The following CYP19A1 variants were observed in gnomAD, a reference collection of about 807,000 sequenced individuals.
CYP19A1 encodes aromatase.
Under a neutral mutation model 44.4 loss-of-function variants are expected in CYP19A1, and 32 were observed. That is an observed-to-expected ratio of 0.72 (90% confidence interval 0.54 to 0.97). The LOEUF (loss-of-function observed/expected upper bound fraction) is 0.97. CYP19A1 is among the 50% of genes least tolerant of loss of function. The pLI is 0.00. For missense variants in CYP19A1, 598 were observed against 637.8 expected, an observed-to-expected ratio of 0.94 and a Z score of 0.67; for synonymous variants, 212 against 215.6, an observed-to-expected ratio of 0.98 and a Z score of 0.14.
Position 51,317,199 on chromosome 15 carries a change from T to TCA in CYP19A1, c.-39+21294_-39+21295dup, listed in dbSNP as rs536268141. Among the ~76,000 whole-genome samples, 367 of 152,216 alleles carry TCA rather than the reference T, an allele frequency of 2.4e-3. 3 individuals carry two copies. The highest frequency in any genetic ancestry group is 8.2e-3 in the African/African-American group (341 of 41,540). On this transcript the variant is annotated intron_variant, in intron 1 of 9. Transcript: ENST00000396402. ...TCACTGCAAGCTCTGCCTCCCAGGT[T>TCA]CACGCCATTCTCCTGTCTCAGCCTC...
intron 1 of CYP19A1, among the ~76,000 whole-genome samples, chr15:51,305,746 A>G (rs1455267572): frequency 1.3e-5 from 2 of 152,072 alleles, no homozygotes; most frequent in African/African-American, 2.4e-5. Flanking sequence ...TTTTTAGTAG[A>G]AACGGGGTTT....
At chr15:51,277,408 A>G (rs2035351651) in intron 1 of CYP19A1, 1 of 152,218 alleles carries the variant, frequency 6.6e-6, no homozygotes, top group Non-Finnish European at 1.5e-5. Context: ...CAAACAAGGT[A>G]CAGATGCCTG....
At chr15:51,243,186 G>T (rs991172997) in intron 1 of CYP19A1, 1 of 430,638 alleles carries the variant, frequency 2.3e-6, no homozygotes, top group East Asian at 4.8e-5. Flanking sequence ...TCCTTTAGAC[G>T]CTTGGTCTGA....
At chr15:51,230,465 A>G (rs913859155) in intron 3 of CYP19A1, among the ~76,000 whole-genome samples, 5 of 152,218 alleles carry the variant, frequency 3.3e-5, no homozygotes, top group African/African-American at 1.2e-4. Flanking sequence ...AAGATGGCAA[A>G]CCTATTGTCT....
intron 1 of CYP19A1, chr15:51,293,899 G>C: frequency 4.7e-6 from 1 of 212,154 alleles, no homozygotes; most frequent in Non-Finnish European, 9.3e-6. Context: ...CGTAATCTCG[G>C]CTGGCTACAA....
chr15:51,303,553 GT>G (rs57036890), intron 1 of CYP19A1, among the ~76,000 whole-genome samples: 3,589 of 145,482 alleles, frequency 0.025, 125 homozygotes, highest in East Asian at 0.15. Flanking sequence ...ATGTAGGTGG[GT>G]TTTTTTTTTT....
chr15:51,263,974 T>C (rs933081411), intron 1 of CYP19A1, among the ~76,000 whole-genome samples: 2 of 152,170 alleles, frequency 1.3e-5, no homozygotes, highest in Admixed American at 1.3e-4. Context: ...TGAGTAAATC[T>C]GGGAACAACT....
chr15:51,236,251 T>C (rs1225791167), intron 3 of CYP19A1, among the ~76,000 whole-genome samples: 2 of 152,186 alleles, frequency 1.3e-5, no homozygotes, highest in African/African-American at 4.8e-5. Flanking sequence ...TTATTTTCCT[T>C]TTTCTTTACT....
chr15:51,304,876 A>G (rs2036182294), intron 1 of CYP19A1, among the ~76,000 whole-genome samples: 1 of 143,114 alleles, frequency 7.0e-6, no homozygotes, highest in African/African-American at 2.8e-5. Context: ...TCCCTCAGGT[A>G]ATTGTGTCTC....
chr15:51,294,987 T>C (rs1216069585), intron 1 of CYP19A1, among the ~76,000 whole-genome samples: 3 of 142,832 alleles, frequency 2.1e-5, no homozygotes, highest in Non-Finnish European at 4.5e-5. Flanking sequence ...AGAAAAATTC[T>C]TCTGCCTTGG....
intron 1 of CYP19A1, among the ~76,000 whole-genome samples, chr15:51,293,253 C>A (rs551404443): frequency 2.6e-5 from 4 of 152,160 alleles, no homozygotes; most frequent in East Asian, 3.9e-4. Flanking sequence ...TCCCCAAAAA[C>A]CTATTAAAAT....
chr15:51,305,608 T>C (rs2036201004), intron 1 of CYP19A1, among the ~76,000 whole-genome samples: 1 of 152,168 alleles, frequency 6.6e-6, no homozygotes, highest in South Asian at 2.1e-4. Flanking sequence ...TCGCCCAGGA[T>C]GGAGTGCAAT....
intron 1 of CYP19A1, among the ~76,000 whole-genome samples, chr15:51,283,423 A>C (rs1442769843): frequency 6.6e-6 from 1 of 152,210 alleles, no homozygotes; most frequent in Admixed American, 6.5e-5. Flanking sequence ...GAGACCTTGA[A>C]GTATGGCAAT....
intron 1 of CYP19A1, among the ~76,000 whole-genome samples, chr15:51,292,112 G>C (rs2035860606): frequency 6.6e-6 from 1 of 152,166 alleles, no homozygotes; most frequent in African/African-American, 2.4e-5. Context: ...AAAGAAAGAG[G>C]AGAGACCCAA....
chr15:51,258,483 T>G (rs1457542797), intron 1 of CYP19A1, among the ~76,000 whole-genome samples: 1 of 152,240 alleles, frequency 6.6e-6, no homozygotes, highest in Non-Finnish European at 1.5e-5. Context: ...TTGACTCTCC[T>G]ATAAACTATC....
chr15:51,261,747 G>A (rs550161325), intron 1 of CYP19A1, among the ~76,000 whole-genome samples: 1 of 152,288 alleles, frequency 6.6e-6, no homozygotes, highest in African/African-American at 2.4e-5. Flanking sequence ...AGGTCATGGT[G>A]GAGGAATAGA....
At chr15:51,332,973 G>T (rs2036724441) in intron 1 of CYP19A1, among the ~76,000 whole-genome samples, 1 of 152,098 alleles carries the variant, frequency 6.6e-6, no homozygotes, top group East Asian at 1.9e-4. Context: ...CTTCCAATAG[G>T]CAGACTCAGG....
At chr15:51,327,432 C>G (rs913740049) in intron 1 of CYP19A1, among the ~76,000 whole-genome samples, 1 of 152,124 alleles carries the variant, frequency 6.6e-6, no homozygotes, top group Non-Finnish European at 1.5e-5. Context: ...TTCTCACCCC[C>G]CAAATCATGC....
At chr15:51,274,747 C>T (rs144188708) in intron 1 of CYP19A1, among the ~76,000 whole-genome samples, 9 of 152,240 alleles carry the variant, frequency 5.9e-5, no homozygotes, top group African/African-American at 2.2e-4. Flanking sequence ...CCTCCCTGGC[C>T]CTCGCTCCTG....
Sources: gnomAD v4.1 joint callset for allele counts (sites outside exome capture counted in the v4.1 genomes callset) on GRCh38, gnomAD v4.1.1 for gene constraint, MANE v1.5 for transcripts, NCBI Gene and HGNC (gene_info 2026-07-23, HGNC 2026-07-21) for gene names.